The following WWOX variants were observed in gnomAD, a reference collection of about 807,000 sequenced individuals.
WWOX encodes the protein WW domain containing oxidoreductase, also known as WW domain-containing oxidoreductase.
WWOX carries 69 observed loss-of-function variants against 46.2 expected under a neutral mutation model. The ratio of observed to expected loss-of-function variants is 1.49; its 90% CI spans 1.23 to 1.82. The LOEUF is 1.82. Ranked by LOEUF, WWOX falls within the 40% of genes most tolerant of loss-of-function variation. The pLI is 0.00. For missense variants in WWOX, 919 were observed against 542.6 expected (o/e 1.69, Z -6.89); for synonymous variants, 359 against 202.6 (o/e 1.77, Z -6.56).
chr16:78,808,732 C>G (rs150613009), intron 8 of WWOX, among the ~76,000 whole-genome samples: 1 of 152,134 alleles, frequency 6.6e-6, no homozygotes, highest in African/African-American at 2.4e-5. Flanking sequence ...TAATATCCTA[C>G]GTCAAAGATG....
In WWOX at chr16:78,756,902, G is replaced by C. The variant is rs539029067; in HGVS notation, c.1056+324150G>C. 5.7e-6 allele frequency: 4 copies of C among 702,928 alleles called. No individual in the cohort carries two copies. In the South Asian group the frequency reaches 5.9e-5, roughly 10 times the overall value. The allele number at this position is 702,928 out of a possible 1,614,324, so 43.5% of individuals were successfully genotyped here. ...TACGAGGCTAGACCATAAAAATATT[G>C]AGGCTTCTGCCTTACTGATGTGGAT... On this transcript the variant is annotated intron_variant, in intron 8 of 8. Coordinates refer to ENST00000566780, the MANE Select transcript of WWOX (RefSeq NM_016373.4).
At chr16:79,097,168 C>T (rs541343783) in intron 8 of WWOX, among the ~76,000 whole-genome samples, 1 of 152,012 alleles carries the variant, frequency 6.6e-6, no homozygotes, top group Admixed American at 6.6e-5. Context: ...TGCTCTGGGT[C>T]AGTGGATTCA....
chr16:79,124,900 T>G (rs544221095), intron 8 of WWOX, among the ~76,000 whole-genome samples: 9 of 152,308 alleles, frequency 5.9e-5, no homozygotes, highest in African/African-American at 2.2e-4. Flanking sequence ...TATTTTAATT[T>G]AAGGTGGTAT....
At chr16:78,818,153 G>T (rs1347213743) in intron 8 of WWOX, among the ~76,000 whole-genome samples, 3 of 152,178 alleles carry the variant, frequency 2.0e-5, no homozygotes, top group African/African-American at 7.2e-5. Flanking sequence ...GGCTGCCCCA[G>T]GAAGGATGTG....
chr16:79,099,340 C>G (rs1402715366), intron 8 of WWOX, among the ~76,000 whole-genome samples: 2 of 152,164 alleles, frequency 1.3e-5, no homozygotes, highest in Non-Finnish European at 2.9e-5. Context: ...TTTCACATTT[C>G]TCTTTACAAA....
chr16:78,958,531 T>C lies in WWOX; in HGVS notation c.1057-253077T>C, dbSNP rs369201276. Among the ~76,000 whole-genome samples the C allele has an allele frequency of 3.5e-4, 53 of 152,348 alleles. No individual in the cohort carries two copies. In the South Asian group the frequency reaches 0.011, roughly 31 times the overall value. On this transcript the variant is annotated intron_variant, in intron 8 of 8. Transcript: ENST00000566780. The stretch of plus-strand genomic sequence containing the variant: ...ATCCATAGCAGGTAGTTTTGCCAAT[T>C]TGGGAAGTTATGGTGCCTTGCAGTT...
intron 8 of WWOX, among the ~76,000 whole-genome samples, chr16:78,684,936 T>A (rs2047820565): frequency 6.6e-6 from 1 of 152,192 alleles, no homozygotes; most frequent in African/African-American, 2.4e-5. Context: ...CACATGTTGT[T>A]TTACAGCTCT....
intron 8 of WWOX, among the ~76,000 whole-genome samples, chr16:78,491,704 A>G (rs1445738778): frequency 2.6e-5 from 4 of 152,160 alleles, no homozygotes; most frequent in Admixed American, 2.6e-4. Context: ...ATCCCATCAA[A>G]ATGGGAATCA....
intron 5 of WWOX, among the ~76,000 whole-genome samples, chr16:78,337,945 T>G (rs1012037898): frequency 8.3e-6 from 1 of 120,514 alleles, no homozygotes; most frequent in Non-Finnish European, 2.0e-5. Context: ...TGCTGGGGTC[T>G]TCATCAGTAA....
intron 8 of WWOX, among the ~76,000 whole-genome samples, chr16:78,555,074 G>A (rs375844142): frequency 1.3e-4 from 20 of 151,702 alleles, no homozygotes; most frequent in African/African-American, 4.4e-4. Flanking sequence ...GGGGGCCAGG[G>A]TGGGTTTGGA....
intron 8 of WWOX, among the ~76,000 whole-genome samples, chr16:78,984,796 C>G (rs1421129405): frequency 6.6e-6 from 1 of 152,092 alleles, no homozygotes; most frequent in Non-Finnish European, 1.5e-5. Flanking sequence ...TGGATCGATA[C>G]CGGCAGCTCA....
intron 8 of WWOX, among the ~76,000 whole-genome samples, chr16:78,770,641 G>A (rs942967846): frequency 3.9e-5 from 6 of 152,170 alleles, no homozygotes; most frequent in African/African-American, 9.6e-5. Context: ...GGGGTGGAGT[G>A]CCGGGAAACT....
At chr16:78,764,218 A>G (rs780096335) in intron 8 of WWOX, among the ~76,000 whole-genome samples, 11 of 151,930 alleles carry the variant, frequency 7.2e-5, no homozygotes, top group Non-Finnish European at 1.6e-4. Context: ...CCCTGTTTTG[A>G]AGTGCGGCCG....
intron 8 of WWOX, among the ~76,000 whole-genome samples, chr16:78,866,731 C>G (rs998205341): frequency 6.6e-6 from 1 of 152,146 alleles, no homozygotes; most frequent in Non-Finnish European, 1.5e-5. Flanking sequence ...GGCAATAAAC[C>G]AGGAATGCAC....
intron 4 of WWOX, among the ~76,000 whole-genome samples, chr16:78,148,047 G>T (rs1025713953): frequency 6.6e-6 from 1 of 152,040 alleles, no homozygotes; most frequent in Non-Finnish European, 1.5e-5. Flanking sequence ...GGCCTCAATG[G>T]TGAAAGGAAA....
At chr16:78,715,375 T>G (rs2048536742) in intron 8 of WWOX, among the ~76,000 whole-genome samples, 1 of 152,192 alleles carries the variant, frequency 6.6e-6, no homozygotes, top group African/African-American at 2.4e-5. Context: ...TCTAGGTTAT[T>G]CATTCTTCTG....
rs113149758 is a variant in WWOX at position 78,937,669 on chromosome 16, G to A, written c.1057-273939G>A. On this transcript the variant is annotated intron_variant, in intron 8 of 8. Transcript: ENST00000566780. ...AGACAAGGTCTCACTCTGTCTCCCA[G>A]GCTGGAGTGTAGTGGCATGACCTCG... is the stretch of plus-strand genomic sequence containing the variant. Among the ~76,000 whole-genome samples, 947 of 151,436 alleles carry A rather than the reference G, an allele frequency of 6.3e-3. 18 individuals are homozygous for A. The highest frequency in any genetic ancestry group is 0.021 in the African/African-American group (884 of 41,208).
At chr16:79,124,017 G>A (rs2049696587) in intron 8 of WWOX, among the ~76,000 whole-genome samples, 1 of 152,096 alleles carries the variant, frequency 6.6e-6, no homozygotes, top group African/African-American at 2.4e-5. Context: ...CTGCCTTCTC[G>A]AGCCCCTGAT....
intron 8 of WWOX, among the ~76,000 whole-genome samples, chr16:78,657,128 C>T (rs967802944): frequency 1.3e-5 from 2 of 152,200 alleles, no homozygotes; most frequent in East Asian, 3.9e-4. Context: ...ACTTTGGCCC[C>T]TGCGTCACCT....
Sources: gnomAD v4.1 joint callset for allele counts (sites outside exome capture counted in the v4.1 genomes callset) on GRCh38, gnomAD v4.1.1 for gene constraint, MANE v1.5 for transcripts, NCBI Gene and HGNC (gene_info 2026-07-23, HGNC 2026-07-21) for gene names.